Variants in CTDSPL2 observed in about 807,000 individuals in gnomAD.
CTDSPL2 encodes the protein CTD small phosphatase-like protein 2.
In CTDSPL2, 5 loss-of-function variants were observed where a neutral mutation model predicts 60.0. That is an observed-to-expected ratio of 0.08 (90% CI 0.04 to 0.18). The LOEUF (loss-of-function observed/expected upper bound fraction) is 0.18. Among genes scored for constraint, CTDSPL2 ranks in the 10% least tolerant of loss-of-function variants. The probability of loss-of-function intolerance (pLI) is 1.00; values close to 1 mark genes in which losing one functional copy is unlikely to be tolerated. For synonymous variants in CTDSPL2, 186 were observed against 189.3 expected (o/e 0.98, Z 0.14); for missense variants, 370 against 548.8 (o/e 0.67, Z 3.26).
chr15:44,485,634 G>C (rs1051599776), intron 3 of CTDSPL2, among the ~76,000 whole-genome samples: 2 of 152,204 alleles, frequency 1.3e-5, no homozygotes, highest in African/African-American at 4.8e-5. Flanking sequence ...CTGCTCTGCG[G>C]CCCAGTTCCT....
chr15:44,483,029 G>A (rs1027423111), intron 2 of CTDSPL2, among the ~76,000 whole-genome samples: 1 of 152,118 alleles, frequency 6.6e-6, no homozygotes, highest in South Asian at 2.1e-4. Flanking sequence ...GGGAGGCCGA[G>A]GCAGGCGAAT....
intron 4 of CTDSPL2, among the ~76,000 whole-genome samples, chr15:44,487,904 A>G (rs1461343568): frequency 1.3e-5 from 2 of 152,190 alleles, no homozygotes; most frequent in East Asian, 3.9e-4. Flanking sequence ...TCATGAGGTC[A>G]GGAGTTCAAG....
chr15:44,521,224 TAATA>T lies in CTDSPL2; in HGVS notation c.1240-83_1240-80del, dbSNP rs2081761388. 1.5e-5 allele frequency: 10 copies of T among 650,716 alleles called. No individual in the cohort carries two copies. In the South Asian group the frequency reaches 2.0e-4, roughly 13 times the overall value. 40.3% of individuals were successfully genotyped at this position (650,716 alleles called of 1,614,324 possible). Reference sequence around the variant, plus strand: ...AGGAACTTTTAGATCAGTGTTTACTTAATAAATCTTTGTTTATTTTTTAACTTTT... The same window carrying T: ...AGGAACTTTTAGATCAGTGTTTACTTAATCTTTGTTTATTTTTTAACTTTT... On this transcript the variant is annotated intron_variant, in intron 11 of 12. Transcript: ENST00000260327.
chr15:44,468,825 G>A (rs1194251236), intron 2 of CTDSPL2, among the ~76,000 whole-genome samples: 2 of 152,138 alleles, frequency 1.3e-5, no homozygotes, highest in African/African-American at 2.4e-5. Flanking sequence ...TAATTGGTAA[G>A]TTTTAAATTA....
At chr15:44,430,282 T>G (rs1433721982) in intron 1 of CTDSPL2, among the ~76,000 whole-genome samples, 1 of 152,098 alleles carries the variant, frequency 6.6e-6, no homozygotes, top group African/African-American at 2.4e-5. Context: ...TATTTTTATT[T>G]TTTAGAGATG....
At position 44,528,485 on chromosome 15, in the gene CTDSPL2, A is replaced by G. The variant is rs945894648; in HGVS notation, c.*4311A>G. On this transcript the variant is annotated 3_prime_UTR_variant, in exon 13 of 13. Transcript: ENST00000260327. ...AGAGTAGGCAACAAAATTAAAGTTC[A>G]CCAGACATCTCTTTGTGGTAGAGTT... 1.3e-5 allele frequency: 2 copies of G among 151,270 alleles called. No individual in the cohort carries two copies. Among genetic ancestry groups the G allele is most frequent in the Admixed American group, 1.3e-4 (2 of 15,188 alleles). The allele number at this position is 151,270 out of a possible 1,614,324, so 9.4% of individuals were successfully genotyped here. A position where few individuals can be genotyped will look rare whatever the true frequency, so the allele number is the denominator to read the frequency against.
At chr15:44,473,549 C>T (rs2080854153) in intron 2 of CTDSPL2, among the ~76,000 whole-genome samples, 1 of 152,192 alleles carries the variant, frequency 6.6e-6, no homozygotes, top group East Asian at 1.9e-4. Flanking sequence ...CCCGCCCCGG[C>T]CTCCCAAAGT....
chr15:44,448,497 C>T, intron 1 of CTDSPL2: 1 of 255,352 alleles, frequency 3.9e-6, no homozygotes, highest in Non-Finnish European at 7.7e-6. Flanking sequence ...GGGATGCTGC[C>T]TCCACCTTCA....
chr15:44,472,099 A>AAC (rs2140742910), intron 2 of CTDSPL2, among the ~76,000 whole-genome samples: 1 of 152,242 alleles, frequency 6.6e-6, no homozygotes, highest in East Asian at 1.9e-4. Flanking sequence ...CCATTTATCA[A>AAC]TTAATGAACA....
intron 1 of CTDSPL2, chr15:44,448,905 A>G (rs1343813255): frequency 1.2e-5 from 5 of 418,756 alleles, no homozygotes; most frequent in Non-Finnish European, 2.2e-5. Flanking sequence ...TAGCTTGCAC[A>G]GCTTCAGTGG....
chr15:44,438,130 G>C (rs1464549438), intron 1 of CTDSPL2, among the ~76,000 whole-genome samples: 4 of 152,184 alleles, frequency 2.6e-5, no homozygotes, highest in East Asian at 1.9e-4. Flanking sequence ...CAGGCGTGGT[G>C]GTGGGCGCCT....
intron 1 of CTDSPL2, among the ~76,000 whole-genome samples, chr15:44,431,718 T>G (rs1353243024): frequency 2.3e-5 from 3 of 131,742 alleles, no homozygotes; most frequent in Non-Finnish European, 4.7e-5. Flanking sequence ...GTTTGTTTGT[T>G]TTTTTTTTTT....
intron 11 of CTDSPL2, chr15:44,520,795 C>G (rs1430660047): frequency 6.6e-6 from 1 of 152,018 alleles, no homozygotes; most frequent in Non-Finnish European, 1.5e-5. Flanking sequence ...TTTTTAGGCT[C>G]CTCTTCAATG....
intron 1 of CTDSPL2, among the ~76,000 whole-genome samples, chr15:44,441,483 G>C (rs2080084537): frequency 6.6e-6 from 1 of 152,182 alleles, no homozygotes; most frequent in African/African-American, 2.4e-5. Context: ...AATTGCCCTT[G>C]TTATCTGTGT....
At chr15:44,514,306 C>G (rs74009190) in intron 8 of CTDSPL2, among the ~76,000 whole-genome samples, 3,207 of 152,190 alleles carry the variant, frequency 0.021, 96 homozygotes, top group African/African-American at 0.071. Flanking sequence ...GGGAAACTTT[C>G]CATTTTTAGC....
At chr15:44,476,643 T>C (rs2080922303) in intron 2 of CTDSPL2, among the ~76,000 whole-genome samples, 1 of 152,174 alleles carries the variant, frequency 6.6e-6, no homozygotes, top group Non-Finnish European at 1.5e-5. Context: ...CATTTTGTTA[T>C]AATTGCCTAC....
Position 44,528,090 on chromosome 15 carries a change from G to A in CTDSPL2, c.*3916G>A, listed in dbSNP as rs1486690296. On this transcript the variant is annotated 3_prime_UTR_variant, in exon 13 of 13. Transcript: ENST00000260327. ...TCTGTATCTTGAATTGAAATTACTT[G>A]CCCAGAGGCAAGAGTTCTGGGGATA... 1 of 152,104 alleles carries A rather than the reference G, an allele frequency of 6.6e-6. No individual in the cohort carries two copies. Among genetic ancestry groups the A allele is most frequent in the Non-Finnish European group, 1.5e-5 (1 of 68,002 alleles). The allele number at this position is 152,104 out of a possible 1,614,324, so 9.4% of individuals were successfully genotyped here.
Position 44,439,546 on chromosome 15 carries a change from G to T in CTDSPL2, c.-25+11774G>T, listed in dbSNP as rs73417552. Among the ~76,000 whole-genome samples, 32 of 151,286 alleles carry T rather than the reference G, an allele frequency of 2.1e-4. No individual in the cohort carries two copies. The East Asian group carries it at 5.6e-3, about 27-fold the overall frequency. On this transcript the variant is annotated intron_variant, in intron 1 of 12. Transcript: ENST00000260327. ...CTCTGTATTTTTATGTTTTTTTTGG[G>T]GGGGGGGGAATATTTGCATTATACT...
At chr15:44,435,390 C>T (rs1331875124) in intron 1 of CTDSPL2, among the ~76,000 whole-genome samples, 4 of 151,532 alleles carry the variant, frequency 2.6e-5, no homozygotes, top group Admixed American at 1.3e-4. Context: ...GCCAACATGG[C>T]GAAACCCCGT....
Sources: gnomAD v4.1 joint callset for allele counts (sites outside exome capture counted in the v4.1 genomes callset) on GRCh38, gnomAD v4.1.1 for gene constraint, MANE v1.5 for transcripts, NCBI Gene and HGNC (gene_info 2026-07-23, HGNC 2026-07-21) for gene names.